Variants in PRDM5 observed in about 807,000 individuals in gnomAD.
PRDM5 encodes the protein PR domain zinc finger protein 5.
Under a neutral mutation model 81.2 loss-of-function variants are expected in PRDM5, and 56 were observed. The observed-to-expected ratio is 0.69, with a 90% CI of 0.56 to 0.86. PRDM5 has a LOEUF of 0.86. Among genes scored for constraint, PRDM5 ranks in the 40% least tolerant of loss-of-function variants. The probability of loss-of-function intolerance (pLI) is 0.00; values close to 1 mark genes in which losing one functional copy is unlikely to be tolerated. For synonymous variants in PRDM5, 267 were observed against 256.4 expected (o/e 1.04, Z -0.39); for missense variants, 697 against 770.1 (o/e 0.91, Z 1.12).
intron 2 of PRDM5, among the ~76,000 whole-genome samples, chr4:120,903,762 G>T (rs1765459000): frequency 6.6e-6 from 1 of 152,296 alleles, no homozygotes; most frequent in Middle Eastern, 3.4e-3. Context: ...TACAAGGTCT[G>T]ATGGTTTTAT....
intron 15 of PRDM5, among the ~76,000 whole-genome samples, chr4:120,697,896 C>T (rs144729965): frequency 4.0e-5 from 6 of 151,176 alleles, no homozygotes; most frequent in East Asian, 3.9e-4. Context: ...ATCAAGGCAA[C>T]TTAGTCGACA....
intron 10 of PRDM5, among the ~76,000 whole-genome samples, chr4:120,786,494 A>G (rs984723245): frequency 6.6e-6 from 1 of 152,208 alleles, no homozygotes; most frequent in Non-Finnish European, 1.5e-5. Context: ...AAAAGAGTAG[A>G]AAGTTTAGTA....
rs559400964 is a variant in PRDM5, at chr4:120,876,416, CTTTTA to C, written c.178-22881_178-22877del. ...GCTATCATTTTTATTAGATGCCTAT[CTTTTA>C]TTTTGTGTGTCAATTACAAAGATTT... On this transcript the variant is annotated intron_variant, in intron 2 of 15. Transcript: ENST00000264808. Among the ~76,000 whole-genome samples, 752 of 152,246 alleles carry C rather than the reference CTTTTA, an allele frequency of 4.9e-3. 6 individuals are homozygous for C. Among genetic ancestry groups the C allele is most frequent in the African/African-American group, 0.017 (721 of 41,546 alleles).
chr4:120,755,908 G>A (rs2149159623), intron 13 of PRDM5, among the ~76,000 whole-genome samples: 1 of 152,184 alleles, frequency 6.6e-6, no homozygotes, highest in Middle Eastern at 3.4e-3. Context: ...TCTCCCTTTG[G>A]ACCAGGCACT....
chr4:120,911,357 C>A (rs1423479665), intron 1 of PRDM5, among the ~76,000 whole-genome samples: 3 of 152,162 alleles, frequency 2.0e-5, no homozygotes, highest in African/African-American at 7.2e-5. Context: ...AATGTGACTT[C>A]AAGATAAATT....
intron 14 of PRDM5, among the ~76,000 whole-genome samples, chr4:120,719,711 GA>G (rs1023790375): frequency 5.3e-5 from 8 of 151,012 alleles, no homozygotes; most frequent in South Asian, 2.1e-4. Context: ...GTTATAAATG[GA>G]AAAAAAAATT....
At chr4:120,706,497 G>A (rs1736170138) in intron 15 of PRDM5, among the ~76,000 whole-genome samples, 1 of 151,984 alleles carries the variant, frequency 6.6e-6, no homozygotes, top group African/African-American at 2.4e-5. Flanking sequence ...AGAAATCTGG[G>A]AGATCATGAT....
At chr4:120,918,888 T>C (rs75574225) in intron 1 of PRDM5, among the ~76,000 whole-genome samples, 9,306 of 152,204 alleles carry the variant, frequency 0.061, 370 homozygotes, top group East Asian at 0.15. Flanking sequence ...AATTACAAGA[T>C]ATAATTTTAG....
chr4:120,786,826 C>T (rs1029199497), intron 10 of PRDM5, among the ~76,000 whole-genome samples: 5 of 152,150 alleles, frequency 3.3e-5, no homozygotes, highest in Non-Finnish European at 5.9e-5. Flanking sequence ...GTTATGGCAT[C>T]TTAATAAGAA....
At chr4:120,762,867 C>T (rs934938970) in intron 13 of PRDM5, 1 of 152,274 alleles carries the variant, frequency 6.6e-6, no homozygotes, top group East Asian at 1.9e-4. Context: ...AGGACACCAT[C>T]TTTGAAAGAA....
chr4:120,767,086 G>A (rs1428158475), intron 13 of PRDM5, among the ~76,000 whole-genome samples: 1 of 152,010 alleles, frequency 6.6e-6, no homozygotes, highest in East Asian at 1.9e-4. Context: ...AGGTAGTGAA[G>A]GATAAAATCA....
At chr4:120,757,255 T>A (rs138337415) in intron 13 of PRDM5, among the ~76,000 whole-genome samples, 2 of 152,322 alleles carry the variant, frequency 1.3e-5, no homozygotes, top group East Asian at 3.9e-4. Flanking sequence ...AGACATAGCT[T>A]TTTTCATACA....
chr4:120,904,290 A>G (rs1765555914), intron 2 of PRDM5, among the ~76,000 whole-genome samples: 1 of 151,816 alleles, frequency 6.6e-6, no homozygotes, highest in Admixed American at 6.6e-5. Flanking sequence ...ACAATGGCTG[A>G]CAATCCGAAA....
chr4:120,905,667 A>G (rs1765718135), intron 2 of PRDM5, among the ~76,000 whole-genome samples: 1 of 152,130 alleles, frequency 6.6e-6, no homozygotes, highest in Non-Finnish European at 1.5e-5. Context: ...TACCACCACA[A>G]TAACATAATA....
At chr4:120,737,490 C>T (rs1741288759) in intron 14 of PRDM5, among the ~76,000 whole-genome samples, 1 of 152,164 alleles carries the variant, frequency 6.6e-6, no homozygotes, top group Admixed American at 6.5e-5. Flanking sequence ...GGACCCAGTA[C>T]TTTCCCACGC....
intron 2 of PRDM5, among the ~76,000 whole-genome samples, chr4:120,897,615 T>C: frequency 6.6e-6 from 1 of 152,262 alleles, no homozygotes; most frequent in East Asian, 1.9e-4. Context: ...ATGTATTAGA[T>C]ATTTTCACTG....
At chr4:120,868,581 T>C (rs1323651527) in intron 2 of PRDM5, among the ~76,000 whole-genome samples, 1 of 152,100 alleles carries the variant, frequency 6.6e-6, no homozygotes, top group African/African-American at 2.4e-5. Flanking sequence ...GATACAAACT[T>C]AGTAGAATGA....
At chr4:120,891,315 T>G (rs1764018130) in intron 2 of PRDM5, among the ~76,000 whole-genome samples, 1 of 152,216 alleles carries the variant, frequency 6.6e-6, no homozygotes, top group Non-Finnish European at 1.5e-5. Context: ...CTAATTTGTG[T>G]GCATAGAGGT....
At chr4:120,795,785 TG>T (rs1751264702) in intron 10 of PRDM5, among the ~76,000 whole-genome samples, 1 of 152,040 alleles carries the variant, frequency 6.6e-6, no homozygotes, top group Non-Finnish European at 1.5e-5. Flanking sequence ...TGGTGGCACA[TG>T]CCTGTAGTCC....
Sources: gnomAD v4.1 joint callset for allele counts (sites outside exome capture counted in the v4.1 genomes callset) on GRCh38, gnomAD v4.1.1 for gene constraint, MANE v1.5 for transcripts, NCBI Gene and HGNC (gene_info 2026-07-23, HGNC 2026-07-21) for gene names.